The following TMIGD3 variants were observed in gnomAD, a reference collection of about 807,000 sequenced individuals.
TMIGD3 encodes transmembrane and immunoglobulin domain containing 3.
Under a neutral mutation model 28.1 loss-of-function variants are expected in TMIGD3, and 21 were observed. The ratio of observed to expected loss-of-function variants is 0.75; its 90% CI spans 0.53 to 1.08. The LOEUF (loss-of-function observed/expected upper bound fraction) is 1.08. Ranked by LOEUF, TMIGD3 falls within the 50% of genes least tolerant of loss-of-function variation. The pLI, the probability that TMIGD3 is intolerant of heterozygous loss-of-function variation, is 0.00. For missense variants in TMIGD3, 416 were observed against 435.6 expected (o/e 0.96, Z 0.40); for synonymous variants, 151 against 162.1 (o/e 0.93, Z 0.52).
At chr1:111,507,942 G>A (rs1194787319), upstream of TMIGD3, among the ~76,000 whole-genome samples, 1 of 152,238 alleles carries the variant, frequency 6.6e-6, no homozygotes, top group African/African-American at 2.4e-5. Flanking sequence ...GGGCTTTCCC[G>A]CGCCGGGGGC....
At chr1:111,524,343 T>C (rs1656188898) in intron 1 of TMIGD3, among the ~76,000 whole-genome samples, 1 of 152,106 alleles carries the variant, frequency 6.6e-6, no homozygotes, top group South Asian at 2.1e-4. Context: ...TTTTCTTTCT[T>C]ATGGTGAAAA....
chr1:111,500,228 T>A, intron 1 of TMIGD3: 1 of 1,614,172 alleles, frequency 6.2e-7, no homozygotes, highest in South Asian at 1.1e-5. Flanking sequence ...TTAGCCGTCT[T>A]GAACTCCCGT....
chr1:111,517,259 G>A (rs1206792768), intron 1 of TMIGD3, among the ~76,000 whole-genome samples: 2 of 151,928 alleles, frequency 1.3e-5, no homozygotes, highest in Non-Finnish European at 2.9e-5. Flanking sequence ...ACATTTCCAA[G>A]AAATGTTCTT....
At position 111,485,801 on chromosome 1, in the gene TMIGD3, C is replaced by G; in HGVS notation, c.912G>C (p.Leu304Phe). The G allele has an allele frequency of 6.2e-7, 1 of 1,613,140 alleles. No homozygotes were observed. Among genetic ancestry groups the G allele is most frequent in the Non-Finnish European group, 8.5e-7 (1 of 1,179,606 alleles). Residue 304 changes from leucine (L) to phenylalanine (F), a missense_variant, in exon 5 of 6, where the codon TTG becomes TTC. By Grantham distance (22) the Leu-to-Phe change is conservative (BLOSUM62 0). Transcript: ENST00000369716. The stretch of plus-strand genomic sequence containing the variant: ...AATGACTGATTACAGAGATGATTCC[C>G]AAACCCGTGATCAGTATGCAAATGA... ...ILIICILITG[L>F]GIISVISHLT...
chr1:111,560,259 G>A (rs942630934), intron 1 of TMIGD3, among the ~76,000 whole-genome samples: 2 of 152,094 alleles, frequency 1.3e-5, no homozygotes, highest in African/African-American at 4.8e-5. Flanking sequence ...CTAACAAAGA[G>A]AGTGAGGTCA....
intron 1 of TMIGD3, among the ~76,000 whole-genome samples, chr1:111,549,720 C>T (rs1393671291): frequency 6.6e-6 from 1 of 151,944 alleles, no homozygotes; most frequent in African/African-American, 2.4e-5. Context: ...CAAATCATAG[C>T]TCACTGAAGC....
At position 111,503,290 on chromosome 1, in the gene TMIGD3, A is replaced by C. The variant is rs200231575; in HGVS notation, c.65T>G (p.Ile22Ser). The C allele has an allele frequency of 6.2e-7, 1 of 1,614,092 alleles. No homozygotes were observed. Among genetic ancestry groups the C allele is most frequent in the African/African-American group, 1.3e-5 (1 of 74,952 alleles). The change falls in exon 1 of 6, where the codon ATT (isoleucine) becomes AGT (serine). Residue 22 changes from isoleucine (I) to serine (S), a missense_variant. By Grantham distance (142) the Ile-to-Ser change is moderately radical. Transcript: ENST00000369716. ...GTTGCCCACTATGGCGCAGAGTCCA[A>C]TGAAAATTTCCATGGTGATGTAGGT... ...NVTYITMEIF[I>S]GLCAIVGNVL...
intron 1 of TMIGD3, among the ~76,000 whole-genome samples, 180 bp downstream of exon 1, chr1:111,502,825 G>A (rs1031321434): frequency 4.6e-5 from 7 of 151,934 alleles, no homozygotes; most frequent in African/African-American, 1.7e-4. Context: ...TCTAGCTCCT[G>A]AGTCCCAGCC....
In TMIGD3 at chr1:111,535,828, G is replaced by A. The variant is rs192593606; in HGVS notation, c.107+28018C>T. On this transcript the variant is annotated intron_variant, in intron 1 of 5. Coordinates refer to the TMIGD3 transcript ENST00000369717. Reference sequence around the variant, plus strand: ...ATCAAAAGGAATCAAAAAGATGTTAGCCATTGAGCTCTAGAAACCCAGCTG... The same window carrying A: ...ATCAAAAGGAATCAAAAAGATGTTAACCATTGAGCTCTAGAAACCCAGCTG... Among the ~76,000 whole-genome samples, 3 of 152,270 alleles carry A rather than the reference G, an allele frequency of 2.0e-5. No homozygotes were observed. The East Asian group carries it at 5.8e-4, about 29-fold the overall frequency.
rs1160797899 is a variant in TMIGD3, at chr1:111,511,564, A to G, written c.108-20802T>C. 2.6e-5 allele frequency among the ~76,000 whole-genome samples: 4 copies of G among 152,212 alleles called. No homozygotes were observed. In the South Asian group the frequency reaches 8.3e-4, roughly 31 times the overall value. ...ACCTATTTGGGTCTAGTTAAAGGAA[A>G]CCTCAGACAGAATGTCTAATATTTA... On this transcript the variant is annotated intron_variant, in intron 1 of 5. Transcript: ENST00000369717.
chr1:111,497,673 C>T (rs959549418), intron 1 of TMIGD3, among the ~76,000 whole-genome samples: 3 of 151,610 alleles, frequency 2.0e-5, no homozygotes, highest in African/African-American at 7.3e-5. Flanking sequence ...GAGAGAGAGA[C>T]AGAAAGGAGG....
Position 111,545,062 on chromosome 1 carries a change from G to T in TMIGD3, c.107+18784C>A, listed in dbSNP as rs988858055. On this transcript the variant is annotated intron_variant, in intron 1 of 5. Transcript: ENST00000369717. The stretch of plus-strand genomic sequence containing the variant: ...CAATTTGGTACATACCCAATTTCTT[G>T]GGTATATCCAATTTGGTACATACCC... 2.8e-4 allele frequency among the ~76,000 whole-genome samples: 40 copies of T among 144,334 alleles called. No homozygotes were observed. The South Asian group carries it at 5.9e-3, about 21-fold the overall frequency. The allele number at this position is 144,334 out of a possible 152,430, so 94.7% of individuals were successfully genotyped here.
chr1:111,524,028 C>CT (rs35046603), intron 1 of TMIGD3, among the ~76,000 whole-genome samples: 1,770 of 108,726 alleles, frequency 0.016, 52 homozygotes, highest in African/African-American at 0.049. Flanking sequence ...TCTTTCTTTT[C>CT]TTTTTTTTTT....
chr1:111,490,602 T>C lies in TMIGD3; in HGVS notation c.457+54A>G, dbSNP rs1381749583. On this transcript the variant is annotated intron_variant, in intron 2 of 5. Coordinates refer to ENST00000369716, the MANE Select transcript of TMIGD3 (RefSeq NM_020683.7). ...AGTAGGTGAGGACTTCAGTGCAAAG[T>C]CTCTGGAAAGGCCACAGCTTAAAGG... 4.3e-6 allele frequency: 6 copies of C among 1,395,764 alleles called. No homozygotes were observed. The East Asian group carries it at 1.4e-4, about 32-fold the overall frequency. 86.5% of individuals were successfully genotyped at this position (1,395,764 alleles called of 1,614,324 possible).
At chr1:111,536,249 G>GA (rs1361422092) in intron 1 of TMIGD3, among the ~76,000 whole-genome samples, 8 of 149,162 alleles carry the variant, frequency 5.4e-5, no homozygotes, top group Non-Finnish European at 8.9e-5. Context: ...TTTTTAAGGA[G>GA]AAAAAAAACA....
chr1:111,503,385 C>G lies in TMIGD3; in HGVS notation c.-31G>C. 1 of 1,575,408 alleles carries G rather than the reference C, an allele frequency of 6.3e-7. No homozygotes were observed. The highest frequency in any genetic ancestry group is 8.6e-7 in the Non-Finnish European group (1 of 1,157,068). On this transcript the variant is annotated 5_prime_UTR_variant, in exon 1 of 6. Transcript: ENST00000369716. Reference sequence around the variant, plus strand: ...CTTCCCAGGGGAACCTCCACAGGGACAGGTGAGCCAGCAAGATCCGTCTGT... The same window carrying G: ...CTTCCCAGGGGAACCTCCACAGGGAGAGGTGAGCCAGCAAGATCCGTCTGT...
At chr1:111,494,868 A>G (rs1654821694) in intron 1 of TMIGD3, among the ~76,000 whole-genome samples, 2 of 152,234 alleles carry the variant, frequency 1.3e-5, no homozygotes, top group South Asian at 4.1e-4. Flanking sequence ...CTGATCCTTG[A>G]CAAAACTGAC....
chr1:111,504,758 C>T (rs768813447), upstream of TMIGD3: 47 of 585,876 alleles, frequency 8.0e-5, no homozygotes, highest in Non-Finnish European at 9.5e-5. Flanking sequence ...CTGCCTGGGG[C>T]TCATCAGGGT....
chr1:111,549,365 C>T (rs1329249266), intron 1 of TMIGD3, among the ~76,000 whole-genome samples: 5 of 140,272 alleles, frequency 3.6e-5, no homozygotes, highest in African/African-American at 8.1e-5. Flanking sequence ...AAAACATGGT[C>T]GGGCTGGGCA....
Sources: gnomAD v4.1 joint callset for allele counts (sites outside exome capture counted in the v4.1 genomes callset) on GRCh38, gnomAD v4.1.1 for gene constraint, MANE v1.5 for transcripts, NCBI Gene and HGNC (gene_info 2026-07-23, HGNC 2026-07-21) for gene names.